ATP6V0A4: variants seen among roughly 807,000 people sequenced by gnomAD.
ATP6V0A4 encodes the protein ATPase H+ transporting V0 subunit a4, also known as V-type proton ATPase 116 kDa subunit a 4.
A neutral mutation model predicts 107.3 loss-of-function variants in ATP6V0A4; 86 were observed. The ratio of observed to expected loss-of-function variants is 0.80; its 90% CI spans 0.67 to 0.96. ATP6V0A4 has a LOEUF of 0.96. Ranked by LOEUF, ATP6V0A4 falls within the 40% of genes least tolerant of loss-of-function variation. ATP6V0A4 has a pLI of 0.00. For missense variants in ATP6V0A4, 908 were observed against 1,045.6 expected, an observed-to-expected ratio of 0.87 and a Z score of 1.81; for synonymous variants, 353 against 381.4, an observed-to-expected ratio of 0.93 and a Z score of 0.87.
rs61747677 is a variant in ATP6V0A4 at position 138,709,746 on chromosome 7, C to A, written c.2307G>T (p.Thr769=). The A allele has an allele frequency of 3.1e-6, 5 of 1,613,916 alleles. No individual in the cohort carries two copies. The highest frequency in any genetic ancestry group is 2.7e-5 in the African/African-American group (2 of 74,896). The change falls in exon 21 of 22, where the codon ACG becomes ACT. Residue 769 remains threonine (T), a synonymous_variant. Coordinates refer to ENST00000310018, the MANE Select transcript of ATP6V0A4 (RefSeq NM_020632.3). ...CCCCGACGATTCCTCCCCAGCCTCG[C>A]GTCTGAAGGCCGCTGTTCATCACCA... ...WTMVMNSGLQ[T]RGWGGIVGVF...
intron 2 of ATP6V0A4, among the ~76,000 whole-genome samples, chr7:138,780,456 C>T (rs1025079170): frequency 4.6e-5 from 7 of 152,122 alleles, no homozygotes; most frequent in Non-Finnish European, 8.8e-5. Context: ...TGGACTGGTA[C>T]CAGTCTATGG....
chr7:138,730,086 G>A (rs917870655), intron 17 of ATP6V0A4, among the ~76,000 whole-genome samples: 5 of 152,096 alleles, frequency 3.3e-5, no homozygotes, highest in Admixed American at 6.6e-5. Flanking sequence ...GGGTTTCACC[G>A]TGTTAGCCAG....
At chr7:138,744,715 T>C (rs1242181817) in intron 14 of ATP6V0A4, among the ~76,000 whole-genome samples, 2 of 151,944 alleles carry the variant, frequency 1.3e-5, no homozygotes, top group Non-Finnish European at 2.9e-5. Flanking sequence ...TTTTCTTTTT[T>C]TTTTGGAGAT....
chr7:138,771,503 G>C (rs1182721842), intron 2 of ATP6V0A4, among the ~76,000 whole-genome samples: 1 of 150,982 alleles, frequency 6.6e-6, no homozygotes, highest in Non-Finnish European at 1.5e-5. Context: ...CCAGGCTCAA[G>C]TAATCCACCC....
At chr7:138,789,725 C>G (rs112011388) in intron 1 of ATP6V0A4, among the ~76,000 whole-genome samples, 14,946 of 150,262 alleles carry the variant, frequency 0.099, 981 homozygotes, top group African/African-American at 0.19. Context: ...AATCCCAGCA[C>G]TTTGAGAGGC....
At chr7:138,739,699 C>A in intron 14 of ATP6V0A4, 66 bp from the exon 15 acceptor site, 6 of 1,592,000 alleles carry the variant, frequency 3.8e-6, no homozygotes, top group Non-Finnish European at 3.4e-6. Flanking sequence ...ACTATAATAC[C>A]ACCAGTCACG....
At position 138,716,581 on chromosome 7, in the gene ATP6V0A4, G is replaced by T. The variant is rs113153612; in HGVS notation, c.2140-700C>A. 4.0e-5 allele frequency among the ~76,000 whole-genome samples: 6 copies of T among 149,646 alleles called. No individual in the cohort carries two copies. In the South Asian group the frequency reaches 1.3e-3, roughly 32 times the overall value. ...GTGACAGACAATTTTTTTTTGGGGGGGGGGGAGGGTCTTGCTCTGTCACTC... is the reference window on the plus strand; with the variant it reads ...GTGACAGACAATTTTTTTTTGGGGGTGGGGGAGGGTCTTGCTCTGTCACTC... On this transcript the variant is annotated intron_variant, in intron 19 of 21. Coordinates refer to ENST00000310018, the MANE Select transcript of ATP6V0A4 (RefSeq NM_020632.3).
intron 8 of ATP6V0A4, 79 bp downstream of exon 8, chr7:138,759,673 A>C (rs945770447): frequency 1.4e-5 from 21 of 1,468,198 alleles, no homozygotes; most frequent in Non-Finnish European, 1.9e-5. Flanking sequence ...AAGATCCCCC[A>C]TGTTTTGGGA....
chr7:138,726,223 T>TCA (rs1157605410), intron 18 of ATP6V0A4, among the ~76,000 whole-genome samples: 9 of 151,694 alleles, frequency 5.9e-5, no homozygotes, highest in African/African-American at 2.2e-4. Flanking sequence ...TCTCCTGACC[T>TCA]TGTGATCCGC....
At chr7:138,718,155 G>GA (rs1491547432) in intron 19 of ATP6V0A4, among the ~76,000 whole-genome samples, 2 of 124,710 alleles carry the variant, frequency 1.6e-5, no homozygotes, top group African/African-American at 5.8e-5. Context: ...AGGAAGGGGG[G>GA]ATGCAGTCAC....
chr7:138,745,101 C>T (rs1805843722), intron 14 of ATP6V0A4, 22 bp downstream of exon 14: 3 of 1,599,996 alleles, frequency 1.9e-6, no homozygotes, highest in Admixed American at 1.7e-5. Flanking sequence ...AGCGACTACA[C>T]CATCTCTGTC....
intron 2 of ATP6V0A4, among the ~76,000 whole-genome samples, chr7:138,785,743 G>GCA (rs147185517): frequency 4.6e-4 from 70 of 150,542 alleles, no homozygotes; most frequent in Non-Finnish European, 6.7e-4. Flanking sequence ...GCACACACAC[G>GCA]CACACACACA....
intron 13 of ATP6V0A4, 97 bp downstream of exon 13, chr7:138,747,328 A>AT: frequency 6.8e-7 from 1 of 1,474,816 alleles, no homozygotes. Flanking sequence ...TCTCTCCTTT[A>AT]TTTTTCATAA....
intron 8 of ATP6V0A4, among the ~76,000 whole-genome samples, chr7:138,759,002 C>T (rs1364810694): frequency 3.3e-5 from 5 of 149,434 alleles, no homozygotes; most frequent in Admixed American, 6.7e-5. Context: ...CCGCCCACCT[C>T]GGCCTCCCAA....
rs10258719 is a variant in ATP6V0A4 at position 138,771,243 on chromosome 7, A to T, written c.5T>A (p.Val2Glu). The change falls in exon 3 of 22, where the codon GTG (valine) becomes GAG (glutamate). Residue 2 changes from valine (V) to glutamate (E), a missense_variant. Transcript: ENST00000310018. M[V>E]SVFRSEEMCL... ...CATCTCCTCGCTTCGAAACACAGAC[A>T]CCATCTTGGCCCAGCCTCGGTCTAC... 5.6e-6 allele frequency: 9 copies of T among 1,612,778 alleles called. No homozygotes were observed. The highest frequency in any genetic ancestry group is 7.6e-6 in the Non-Finnish European group (9 of 1,179,122).
intron 1 of ATP6V0A4, among the ~76,000 whole-genome samples, chr7:138,795,372 T>C (rs1175611258): frequency 6.6e-6 from 1 of 152,104 alleles, no homozygotes; most frequent in African/African-American, 2.4e-5. Flanking sequence ...CCAGAAAAGC[T>C]TTCCCTGATA....
intron 18 of ATP6V0A4, among the ~76,000 whole-genome samples, chr7:138,722,811 T>G (rs902735573): frequency 7.1e-6 from 1 of 140,000 alleles, no homozygotes; most frequent in Non-Finnish European, 1.5e-5. Flanking sequence ...ATAATCCCAG[T>G]GCTGTGGGAG....
At chr7:138,720,107 TC>T (rs1178125848) in intron 19 of ATP6V0A4, among the ~76,000 whole-genome samples, 20 of 151,480 alleles carry the variant, frequency 1.3e-4, no homozygotes, top group Admixed American at 1.3e-3. Flanking sequence ...ACCCTAAGGG[TC>T]CTGCGAATGT....
intron 2 of ATP6V0A4, among the ~76,000 whole-genome samples, chr7:138,774,819 A>G (rs1807583506): frequency 6.6e-6 from 1 of 152,038 alleles, no homozygotes; most frequent in African/African-American, 2.4e-5. Flanking sequence ...CTCTACTTTC[A>G]AAGGAAAATA....
Sources: gnomAD v4.1 joint callset for allele counts (sites outside exome capture counted in the v4.1 genomes callset) on GRCh38, gnomAD v4.1.1 for gene constraint, MANE v1.5 for transcripts, NCBI Gene and HGNC (gene_info 2026-07-23, HGNC 2026-07-21) for gene names.